The following CDK6 variants were observed in gnomAD, a reference collection of about 807,000 sequenced individuals.
CDK6 encodes the protein cyclin dependent kinase 6.
In CDK6, 6 loss-of-function variants were observed where a neutral mutation model predicts 37.1. That is an observed-to-expected ratio of 0.16 (90% CI 0.09 to 0.32). The LOEUF (loss-of-function observed/expected upper bound fraction) is 0.32. Ranked by LOEUF, CDK6 falls within the 10% of genes least tolerant of loss-of-function variation. The pLI is 1.00. For synonymous variants in CDK6, 160 were observed against 161.3 expected, an observed-to-expected ratio of 0.99 and a Z score of 0.06; for missense variants, 224 against 418.9, an observed-to-expected ratio of 0.53 and a Z score of 4.06.
At chr7:92,628,552 A>G (rs929478536) in intron 5 of CDK6, among the ~76,000 whole-genome samples, 3 of 152,116 alleles carry the variant, frequency 2.0e-5, no homozygotes, top group African/African-American at 7.2e-5. Context: ...TCCCCCCTGC[A>G]AGAAGGCTTT....
In CDK6 at chr7:92,605,589, C is replaced by T. The variant is rs915553648; in HGVS notation, c.*9551G>A. ...ATAAACTGGCTATATTTTCATCTGCCTCTTGGGAAAGGAGCAAGAGCATTC... is the reference window on the plus strand; with the variant it reads ...ATAAACTGGCTATATTTTCATCTGCTTCTTGGGAAAGGAGCAAGAGCATTC... On this transcript the variant is annotated 3_prime_UTR_variant, in exon 8 of 8. Coordinates refer to ENST00000424848, the MANE Select transcript of CDK6 (RefSeq NM_001145306.2). 4 of 233,056 alleles carry T rather than the reference C, an allele frequency of 1.7e-5. No homozygotes were observed. The highest frequency in any genetic ancestry group is 3.4e-5 in the Non-Finnish European group (4 of 117,990). 14.4% of individuals were successfully genotyped at this position (233,056 alleles called of 1,614,324 possible). A position where few individuals can be genotyped will look rare whatever the true frequency, so the allele number is the denominator to read the frequency against.
At position 92,615,630 on chromosome 7, in the gene CDK6, C is replaced by T. The variant is rs375659320; in HGVS notation, c.835-344G>A. On this transcript the variant is annotated intron_variant, in intron 7 of 7. Coordinates refer to ENST00000424848, the MANE Select transcript of CDK6 (RefSeq NM_001145306.2). Reference sequence around the variant, plus strand: ...GACTTCACCGTAACTTATTATCCTGCCTCAAGGCTACACCACTCAGAGGCA... The same window carrying T: ...GACTTCACCGTAACTTATTATCCTGTCTCAAGGCTACACCACTCAGAGGCA... Among the ~76,000 whole-genome samples the T allele has an allele frequency of 3.9e-5, 6 of 152,276 alleles. No individual in the cohort carries two copies. The East Asian group carries it at 9.6e-4, about 24-fold the overall frequency.
intron 2 of CDK6, among the ~76,000 whole-genome samples, chr7:92,826,953 A>ACAT (rs1801337554): frequency 6.6e-6 from 1 of 152,166 alleles, no homozygotes; most frequent in Non-Finnish European, 1.5e-5. Flanking sequence ...ACATAAAGTC[A>ACAT]CTAAACTGAA....
At chr7:92,772,784 G>A (rs957731592) in intron 3 of CDK6, among the ~76,000 whole-genome samples, 2 of 151,908 alleles carry the variant, frequency 1.3e-5, no homozygotes, top group Non-Finnish European at 2.9e-5. Context: ...CCTGAGTCTA[G>A]TAAACCACTC....
At chr7:92,692,080 C>T (rs1214138209) in intron 4 of CDK6, among the ~76,000 whole-genome samples, 5 of 152,008 alleles carry the variant, frequency 3.3e-5, no homozygotes, top group African/African-American at 1.2e-4. Flanking sequence ...CCAGCCTGAC[C>T]AACATGGGGA....
rs191649598 is a variant in CDK6, at chr7:92,749,945, G to A, written c.370-24152C>T. On this transcript the variant is annotated intron_variant, in intron 3 of 7. Coordinates refer to ENST00000424848, the MANE Select transcript of CDK6 (RefSeq NM_001145306.2). Reference sequence around the variant, plus strand: ...AAAAAATATATACTGTACTTGGAATGAGGCTCTAGTTGAGGAGAATAAAAT... The same window carrying A: ...AAAAAATATATACTGTACTTGGAATAAGGCTCTAGTTGAGGAGAATAAAAT... Among the ~76,000 whole-genome samples the A allele has an allele frequency of 7.0e-3, 1,061 of 152,296 alleles. 4 individuals carry two copies. Among genetic ancestry groups the A allele is most frequent in the Non-Finnish European group, 8.7e-3 (593 of 68,024 alleles).
At chr7:92,657,046 A>G (rs1796714820) in intron 5 of CDK6, among the ~76,000 whole-genome samples, 1 of 151,970 alleles carries the variant, frequency 6.6e-6, no homozygotes, top group Non-Finnish European at 1.5e-5. Context: ...TTGGGTCTTC[A>G]TTTCTGAAGG....
intron 2 of CDK6, among the ~76,000 whole-genome samples, chr7:92,813,325 T>C (rs1021865079): frequency 6.6e-6 from 1 of 152,160 alleles, no homozygotes; most frequent in African/African-American, 2.4e-5. Flanking sequence ...GGAATCATAC[T>C]GCTTGCTTTT....
chr7:92,727,188 G>T (rs889582377), intron 3 of CDK6, among the ~76,000 whole-genome samples: 14 of 152,142 alleles, frequency 9.2e-5, no homozygotes, highest in Non-Finnish European at 1.6e-4. Flanking sequence ...TATAAGAATG[G>T]TGTATACAAG....
chr7:92,609,788 T>A lies in CDK6; in HGVS notation c.*5352A>T. On this transcript the variant is annotated 3_prime_UTR_variant, in exon 8 of 8. Coordinates refer to ENST00000424848, the MANE Select transcript of CDK6 (RefSeq NM_001145306.2). ...CTAAGCCTGTTTTAATCTAGAAAAGTAAGGTAACTGGGTACTTCAAAAATT... is the reference window on the plus strand; with the variant it reads ...CTAAGCCTGTTTTAATCTAGAAAAGAAAGGTAACTGGGTACTTCAAAAATT... 4.3e-6 allele frequency: 1 copy of A among 230,250 alleles called. No individual in the cohort carries two copies. The highest frequency in any genetic ancestry group is 8.6e-6 in the Non-Finnish European group (1 of 116,214). 14.3% of individuals were successfully genotyped at this position (230,250 alleles called of 1,614,324 possible). A position where few individuals can be genotyped will look rare whatever the true frequency, so the allele number is the denominator to read the frequency against.
intron 4 of CDK6, among the ~76,000 whole-genome samples, chr7:92,711,390 C>T (rs1798084260): frequency 6.6e-6 from 1 of 152,020 alleles, no homozygotes; most frequent in Non-Finnish European, 1.5e-5. Context: ...ATTATAGGCA[C>T]ATCCACATCC....
intron 3 of CDK6, among the ~76,000 whole-genome samples, chr7:92,746,565 T>C (rs532304711): frequency 3.3e-5 from 5 of 152,332 alleles, no homozygotes; most frequent in African/African-American, 1.2e-4. Context: ...ACTTGGGACC[T>C]ATCCCAAAGA....
intron 2 of CDK6, among the ~76,000 whole-genome samples, chr7:92,827,700 G>T (rs1159100723): frequency 6.6e-6 from 1 of 152,060 alleles, no homozygotes; most frequent in Non-Finnish European, 1.5e-5. Flanking sequence ...GCTGCCTCCT[G>T]GATCTTGGAC....
At chr7:92,826,721 C>G (rs545353191) in intron 2 of CDK6, among the ~76,000 whole-genome samples, 12 of 152,290 alleles carry the variant, frequency 7.9e-5, no homozygotes, top group African/African-American at 2.6e-4. Flanking sequence ...ACTAAATAGA[C>G]TTCACATGTG....
intron 5 of CDK6, among the ~76,000 whole-genome samples, chr7:92,653,637 C>CTAA (rs1322515492): frequency 6.6e-6 from 1 of 152,132 alleles, no homozygotes; most frequent in Non-Finnish European, 1.5e-5. Flanking sequence ...ATCTCAAGTA[C>CTAA]TAATGTCTCT....
At chr7:92,660,525 A>G (rs1262293758) in intron 5 of CDK6, among the ~76,000 whole-genome samples, 1 of 152,246 alleles carries the variant, frequency 6.6e-6, no homozygotes, top group Admixed American at 6.5e-5. Flanking sequence ...TTGAGAGCCA[A>G]GGATCCTACA....
chr7:92,743,317 C>T (rs1438781474), intron 3 of CDK6, among the ~76,000 whole-genome samples: 1 of 151,046 alleles, frequency 6.6e-6, no homozygotes, highest in African/African-American at 2.4e-5. Flanking sequence ...CAGAGGTTGC[C>T]ATGAGCCAAG....
intron 2 of CDK6, among the ~76,000 whole-genome samples, chr7:92,814,294 A>G (rs1198596308): frequency 6.6e-6 from 1 of 152,228 alleles, no homozygotes; most frequent in African/African-American, 2.4e-5. Context: ...TCCTCTCCAG[A>G]TGGTTATACT....
At chr7:92,685,255 C>T (rs999982885) in intron 4 of CDK6, among the ~76,000 whole-genome samples, 20 of 152,160 alleles carry the variant, frequency 1.3e-4, no homozygotes, top group African/African-American at 4.8e-4. Context: ...ATACCAAGGA[C>T]TTACAGAGTA....
Sources: gnomAD v4.1 joint callset for allele counts (sites outside exome capture counted in the v4.1 genomes callset) on GRCh38, gnomAD v4.1.1 for gene constraint, MANE v1.5 for transcripts, NCBI Gene and HGNC (gene_info 2026-07-23, HGNC 2026-07-21) for gene names.